Variants in SIPA1L2 observed in about 807,000 individuals in gnomAD.
SIPA1L2 encodes signal-induced proliferation-associated 1-like protein 2.
In SIPA1L2, 56 loss-of-function variants were observed where a neutral mutation model predicts 163.9. That is an observed-to-expected ratio of 0.34 (90% CI 0.28 to 0.43). The LOEUF (loss-of-function observed/expected upper bound fraction) is 0.43. SIPA1L2 is among the 20% of genes least tolerant of loss of function. The pLI is 1.00. For synonymous variants in SIPA1L2, 877 were observed against 865.7 expected (o/e 1.01, Z -0.23); for missense variants, 1,974 against 2,193.5 (o/e 0.90, Z 2.00).
At chr1:232,609,968 CACTTGT>C (rs1662160648) in intron 1 of SIPA1L2, among the ~76,000 whole-genome samples, 1 of 152,116 alleles carries the variant, frequency 6.6e-6, no homozygotes, top group Admixed American at 6.5e-5. Context: ...CCCGATCTCT[CACTTGT>C]AACTTTAGTT....
intron 15 of SIPA1L2, 106 bp from the exon 16 acceptor site, chr1:232,432,577 G>C (rs552230545): frequency 9.7e-7 from 1 of 1,031,114 alleles, no homozygotes; most frequent in South Asian, 1.6e-5. Flanking sequence ...TTCTCCGAGA[G>C]CAAAATCGGG....
chr1:232,464,484 T>A (rs1221189283), intron 9 of SIPA1L2, among the ~76,000 whole-genome samples: 1 of 152,178 alleles, frequency 6.6e-6, no homozygotes, highest in Admixed American at 6.5e-5. Flanking sequence ...CAACAGCAAT[T>A]CTGTTGTTAA....
At chr1:232,535,242 A>G (rs1412912305) in intron 2 of SIPA1L2, among the ~76,000 whole-genome samples, 2 of 152,258 alleles carry the variant, frequency 1.3e-5, no homozygotes, top group East Asian at 1.9e-4. Context: ...CATCCACAAC[A>G]TATGTTTTTT....
chr1:232,471,282 T>C (rs989704441), intron 8 of SIPA1L2, 89 bp downstream of exon 8: 3 of 1,387,836 alleles, frequency 2.2e-6, no homozygotes, highest in Non-Finnish European at 3.0e-6. Context: ...AAGTTGCAAA[T>C]AATAATTGGC....
Position 232,564,221 on chromosome 1 carries a change from G to GT in SIPA1L2, c.-270+9952dup, listed in dbSNP as rs796828484. Among the ~76,000 whole-genome samples, 5 of 56,884 alleles carry GT rather than the reference G, an allele frequency of 8.8e-5. 1 individual carries two copies. Among genetic ancestry groups the GT allele is most frequent in the African/African-American group, 5.6e-4 (4 of 7,198 alleles). 37.3% of individuals were successfully genotyped at this position (56,884 alleles called of 152,430 possible). ...ATGTTGGCCAGACTGAACGACAAAG[G>GT]TTTTTTTTTTTTTCGTGTGTGTGTG... On this transcript the variant is annotated intron_variant, in intron 2 of 22. Transcript: ENST00000674635.
chr1:232,515,244 A>G lies in SIPA1L2; in HGVS notation c.96T>C (p.Asp32=), dbSNP rs779565827. The change falls in exon 3 of 23, where the codon GAT becomes GAC. Residue 32 remains aspartate, a synonymous_variant. Transcript: ENST00000674635. Reference sequence around the variant, plus strand: ...TGGCTTTAAATTTCCGAGCAAAATAATCATCTGACTGCATGATTCTAGGGG... The same window carrying G: ...TGGCTTTAAATTTCCGAGCAAAATAGTCATCTGACTGCATGATTCTAGGGG... ...KDPPRIMQSD[D]YFARKFKAIN... 36 of 1,613,990 alleles carry G rather than the reference A, an allele frequency of 2.2e-5. No homozygotes were observed. The highest frequency in any genetic ancestry group is 2.8e-5 in the Non-Finnish European group (33 of 1,180,020).
chr1:232,543,734 T>C (rs1657836983), intron 2 of SIPA1L2, among the ~76,000 whole-genome samples: 1 of 152,076 alleles, frequency 6.6e-6, no homozygotes, highest in Non-Finnish European at 1.5e-5. Flanking sequence ...CCAGGAGTGG[T>C]GGCGCATACC....
chr1:232,442,771 C>T (rs1194458838), intron 12 of SIPA1L2, among the ~76,000 whole-genome samples: 1 of 152,162 alleles, frequency 6.6e-6, no homozygotes, highest in African/African-American at 2.4e-5. Flanking sequence ...AAAAAGCCAA[C>T]ATCAAAAAAT....
intron 1 of SIPA1L2, among the ~76,000 whole-genome samples, chr1:232,627,307 A>G (rs1188272550): frequency 6.6e-6 from 1 of 152,232 alleles, no homozygotes; most frequent in Admixed American, 6.5e-5. Flanking sequence ...ACTAGTTTCG[A>G]TGCCCAAACA....
chr1:232,519,570 G>A (rs1667371158), intron 2 of SIPA1L2, among the ~76,000 whole-genome samples: 1 of 152,172 alleles, frequency 6.6e-6, no homozygotes, highest in Non-Finnish European at 1.5e-5. Context: ...GTGAGCAGCT[G>A]TGAATCACAC....
At chr1:232,529,817 T>C (rs1667887512) in intron 2 of SIPA1L2, among the ~76,000 whole-genome samples, 1 of 152,206 alleles carries the variant, frequency 6.6e-6, no homozygotes, top group Admixed American at 6.5e-5. Flanking sequence ...AAAAAGGTAT[T>C]GCCAACTTTG....
chr1:232,504,935 C>G (rs1666659070), intron 3 of SIPA1L2, among the ~76,000 whole-genome samples: 1 of 151,984 alleles, frequency 6.6e-6, no homozygotes, highest in Admixed American at 6.5e-5. Flanking sequence ...CAGCTTGAGG[C>G]TAAAAAAATT....
intron 1 of SIPA1L2, among the ~76,000 whole-genome samples, chr1:232,618,198 C>G (rs1457239037): frequency 2.0e-5 from 3 of 152,116 alleles, no homozygotes; most frequent in Non-Finnish European, 4.4e-5. Flanking sequence ...AAATCTTACC[C>G]AGCACTTACT....
At chr1:232,458,042 C>G (rs537344895) in intron 10 of SIPA1L2, among the ~76,000 whole-genome samples, 3 of 152,284 alleles carry the variant, frequency 2.0e-5, no homozygotes, top group African/African-American at 7.2e-5. Flanking sequence ...AGGCTTAAAG[C>G]CTTCATGACC....
chr1:232,581,704 G>A lies in SIPA1L2; in HGVS notation c.-318-7482C>T, dbSNP rs185690620. ...TCCTTAATATGGCCCAAGTACCTTC[G>A]TAACTCAACTTCCCTACCTGACAGT... On this transcript the variant is annotated intron_variant, in intron 1 of 22. Transcript: ENST00000674635. 1.4e-3 allele frequency among the ~76,000 whole-genome samples: 212 copies of A among 152,088 alleles called. 1 individual carries two copies. Among genetic ancestry groups the A allele is most frequent in the Middle Eastern group, 3.4e-3 (1 of 294 alleles).
chr1:232,398,330 C>T lies in SIPA1L2; in HGVS notation c.*797G>A, dbSNP rs1314498165. The T allele has an allele frequency of 6.6e-6, 1 of 152,616 alleles. No individual in the cohort carries two copies. Among genetic ancestry groups the T allele is most frequent in the Non-Finnish European group, 1.5e-5 (1 of 68,030 alleles). 9.5% of individuals were successfully genotyped at this position (152,616 alleles called of 1,614,324 possible). A position where few individuals can be genotyped will look rare whatever the true frequency, so the allele number is the denominator to read the frequency against. On this transcript the variant is annotated 3_prime_UTR_variant, in exon 23 of 23. Transcript: ENST00000674635. ...CTGGCTCACAGCACACAGGGAAGTT[C>T]TAGTGAGTAAGCAGATTCACTCTCA...
intron 2 of SIPA1L2, among the ~76,000 whole-genome samples, chr1:232,519,717 C>T (rs1019082728): frequency 4.1e-4 from 63 of 152,276 alleles, no homozygotes; most frequent in African/African-American, 1.5e-3. Context: ...AGAAAGCAAA[C>T]GTGCTATGAA....
rs569036914 is a variant in SIPA1L2, at chr1:232,522,767, G to A, written c.-269-7159C>T. Reference sequence around the variant, plus strand: ...TAAAGATTCAATGGGATCTAAAGCCGTGAAATAGCTGAAAATGTAATATAT... The same window carrying A: ...TAAAGATTCAATGGGATCTAAAGCCATGAAATAGCTGAAAATGTAATATAT... On this transcript the variant is annotated intron_variant, in intron 2 of 22. Transcript: ENST00000674635. Among the ~76,000 whole-genome samples the A allele has an allele frequency of 6.6e-5, 10 of 152,270 alleles. 1 individual carries two copies. Among genetic ancestry groups the A allele is most frequent in the Middle Eastern group, 6.8e-3 (2 of 294 alleles).
chr1:232,584,477 T>C (rs557397047), intron 1 of SIPA1L2, among the ~76,000 whole-genome samples: 9 of 152,334 alleles, frequency 5.9e-5, no homozygotes, highest in African/African-American at 2.2e-4. Context: ...CATCTTGGCC[T>C]AGTCCAATCA....
Sources: gnomAD v4.1 joint callset for allele counts (sites outside exome capture counted in the v4.1 genomes callset) on GRCh38, gnomAD v4.1.1 for gene constraint, MANE v1.5 for transcripts, NCBI Gene and HGNC (gene_info 2026-07-23, HGNC 2026-07-21) for gene names.